NOX3: variants seen among roughly 807,000 people sequenced by gnomAD.
NOX3 encodes NADPH oxidase 3.
Under a neutral mutation model 76.7 loss-of-function variants are expected in NOX3, and 74 were observed. The observed-to-expected ratio is 0.96, with a 90% CI of 0.80 to 1.17. NOX3 has a LOEUF of 1.17. NOX3 is among the 50% of genes most tolerant of loss of function. The probability of loss-of-function intolerance (pLI) is 0.00; values close to 1 mark genes in which losing one functional copy is unlikely to be tolerated. For synonymous variants in NOX3, 263 were observed against 261.1 expected, an observed-to-expected ratio of 1.01 and a Z score of -0.07; for missense variants, 695 against 703.3, an observed-to-expected ratio of 0.99 and a Z score of 0.13.
In NOX3 at chr6:155,428,966, C is replaced by G. The variant is rs554877507; in HGVS notation, c.973G>C (p.Val325Leu). ...FKMAPGQYIL[V>L]QCPAISSLEW... is the part of the protein sequence containing the mutation. ...AGCGAAGATATGGCTGGGCACTGCA[C>G]CAAGATGTACTGCCCTGGCGCCATT... The change falls in exon 9 of 14, where the codon GTG becomes CTG. Residue 325 changes from valine (V) to leucine (L), a missense_variant. Physicochemically the swap from Val to Leu is conservative, Grantham distance 32. Coordinates refer to ENST00000159060, the MANE Select transcript of NOX3 (RefSeq NM_015718.3). The G allele has an allele frequency of 6.2e-7, 1 of 1,614,012 alleles. No individual in the cohort carries two copies. The highest frequency in any genetic ancestry group is 1.3e-5 in the African/African-American group (1 of 75,034).
chr6:155,415,972 A>T (rs1776617090), intron 10 of NOX3, among the ~76,000 whole-genome samples: 1 of 152,192 alleles, frequency 6.6e-6, no homozygotes. Context: ...GGTCACTGAG[A>T]AGGGAAGCCA....
chr6:155,439,525 C>G (rs1776953191), intron 6 of NOX3, among the ~76,000 whole-genome samples: 1 of 152,192 alleles, frequency 6.6e-6, no homozygotes, highest in East Asian at 1.9e-4. Flanking sequence ...CCACACCAGA[C>G]TGCCCATGCC....
At chr6:155,412,321 C>A (rs1020104737) in intron 10 of NOX3, among the ~76,000 whole-genome samples, 1 of 151,964 alleles carries the variant, frequency 6.6e-6, no homozygotes, top group Non-Finnish European at 1.5e-5. Flanking sequence ...TGTAAGCTCA[C>A]GATCATATAA....
intron 10 of NOX3, among the ~76,000 whole-genome samples, chr6:155,416,744 C>CTTTTTTTTTTTTTTTTTTTTTTTTTTTTT (rs534711414): frequency 6.5e-5 from 6 of 92,534 alleles, no homozygotes; most frequent in African/African-American, 2.1e-4. Flanking sequence ...CTGAAACATT[C>CTTTTTTTTTTTTTTTTTTTTTTTTTTTTT]TTTTTTTTTT....
chr6:155,396,778 A>G (rs1285313089), intron 13 of NOX3, 31 bp downstream of exon 13: 5 of 1,548,864 alleles, frequency 3.2e-6, no homozygotes, highest in East Asian at 4.6e-5. Context: ...GAGTTTCCCA[A>G]TCCCTGACCT....
intron 10 of NOX3, among the ~76,000 whole-genome samples, chr6:155,417,162 C>T (rs368885064): frequency 4.6e-5 from 7 of 152,156 alleles, no homozygotes; most frequent in South Asian, 4.1e-4. Flanking sequence ...TTGACACTGA[C>T]GGTGCCCGAA....
Position 155,440,155 on chromosome 6 carries a change from A to G in NOX3, c.487-18T>C. The G allele has an allele frequency of 6.5e-7, 1 of 1,544,240 alleles. No individual in the cohort carries two copies. On this transcript the variant is annotated intron_variant, in intron 5 of 13. Coordinates refer to ENST00000159060, the MANE Select transcript of NOX3 (RefSeq NM_015718.3). Reference sequence around the variant, plus strand: ...GTTGTGTTCTAAAAAAAACAACAACAACAAAAAAAGAAACAAACAAAAAAA... The same window carrying G: ...GTTGTGTTCTAAAAAAAACAACAACGACAAAAAAAGAAACAAACAAAAAAA...
chr6:155,449,988 T>C (rs1448469107), intron 4 of NOX3, among the ~76,000 whole-genome samples: 2 of 152,232 alleles, frequency 1.3e-5, no homozygotes, highest in African/African-American at 4.8e-5. Flanking sequence ...ATTTCTTCGT[T>C]CATGTGAAAT....
At chr6:155,425,199 C>T (rs1582936822) in intron 9 of NOX3, among the ~76,000 whole-genome samples, 1 of 152,218 alleles carries the variant, frequency 6.6e-6, no homozygotes, top group Non-Finnish European at 1.5e-5. Flanking sequence ...AGATCTTTTT[C>T]CTTTTTGGCA....
intron 7 of NOX3, among the ~76,000 whole-genome samples, chr6:155,433,136 G>T (rs951646406): frequency 6.6e-6 from 1 of 152,134 alleles, no homozygotes; most frequent in Non-Finnish European, 1.5e-5. Context: ...TATTTTCCAC[G>T]TTGATAAAAT....
At chr6:155,446,358 A>G (rs1228337902) in intron 4 of NOX3, among the ~76,000 whole-genome samples, 2 of 152,168 alleles carry the variant, frequency 1.3e-5, no homozygotes, top group African/African-American at 4.8e-5. Flanking sequence ...CTGTTTTCTG[A>G]TAATTATCTC....
chr6:155,436,167 A>G (rs1201495436), intron 7 of NOX3, among the ~76,000 whole-genome samples: 3 of 152,218 alleles, frequency 2.0e-5, no homozygotes, highest in Admixed American at 2.0e-4. Flanking sequence ...TTGTGCTGTT[A>G]TGAATTCCCA....
rs750273103 is a variant in NOX3 at position 155,413,145 on chromosome 6, G to A, written c.1309-1785C>T. On this transcript the variant is annotated intron_variant, in intron 10 of 13. Transcript: ENST00000159060. ...ATGGATGGACATGAACCATCAATTCGTGGAGATTCATGTCCCCTCTTCATG... is the reference window on the plus strand; with the variant it reads ...ATGGATGGACATGAACCATCAATTCATGGAGATTCATGTCCCCTCTTCATG... Among the ~76,000 whole-genome samples the A allele has an allele frequency of 2.6e-5, 4 of 152,128 alleles. No homozygotes were observed. In the South Asian group the frequency reaches 6.2e-4, roughly 24 times the overall value.
chr6:155,402,893 C>T (rs899502506), intron 12 of NOX3, among the ~76,000 whole-genome samples: 3 of 152,194 alleles, frequency 2.0e-5, no homozygotes, highest in African/African-American at 7.2e-5. Context: ...ACAAATCCAC[C>T]AATTTCTTCT....
intron 1 of NOX3, among the ~76,000 whole-genome samples, chr6:155,455,470 G>T (rs1562475482): frequency 1.3e-5 from 2 of 152,124 alleles, no homozygotes; most frequent in African/African-American, 4.8e-5. Flanking sequence ...CAATTTCATA[G>T]TCTAATTCAA....
At chr6:155,452,716 C>G (rs994407015) in intron 4 of NOX3, among the ~76,000 whole-genome samples, 3 of 151,928 alleles carry the variant, frequency 2.0e-5, no homozygotes, top group African/African-American at 2.4e-5. Flanking sequence ...AGAAACAGTC[C>G]TGAATCATAA....
chr6:155,402,432 G>C (rs1156388430), intron 12 of NOX3, among the ~76,000 whole-genome samples: 1 of 152,050 alleles, frequency 6.6e-6, no homozygotes, highest in Non-Finnish European at 1.5e-5. Flanking sequence ...TTGTAATATA[G>C]CTAATATAAT....
chr6:155,443,017 T>A (rs932990082), intron 5 of NOX3, among the ~76,000 whole-genome samples: 1 of 152,216 alleles, frequency 6.6e-6, no homozygotes, highest in Non-Finnish European at 1.5e-5. Context: ...AACAGGTTAC[T>A]GCGTTTCTAG....
In NOX3 at chr6:155,455,743, T is replaced by C. The variant is rs759234272; in HGVS notation, c.48+10A>G. The C allele has an allele frequency of 1.9e-6, 3 of 1,605,814 alleles. No individual in the cohort carries two copies. Among genetic ancestry groups the C allele is most frequent in the Non-Finnish European group, 8.5e-7 (1 of 1,172,744 alleles). On this transcript the variant is annotated intron_variant, in intron 1 of 13. Transcript: ENST00000159060. ...TATATTTAAAGTTGAATAACAAAAA[T>C]GATACTTACTACTAATATGGTGGAG... is the stretch of plus-strand genomic sequence containing the variant.
Sources: allele counts gnomAD v4.1 joint callset (sites outside exome capture counted in the v4.1 genomes callset), GRCh38; gene constraint gnomAD v4.1.1; transcripts MANE v1.5; gene names NCBI Gene and HGNC (gene_info 2026-07-23, HGNC 2026-07-21).